The following CACNA1A variants were observed in gnomAD, a reference collection of about 807,000 sequenced individuals.
CACNA1A encodes calcium voltage-gated channel subunit alpha1 A, also known as voltage-dependent P/Q-type calcium channel subunit alpha-1A.
In CACNA1A, 57 loss-of-function variants were observed where a neutral mutation model predicts 262.4. The ratio of observed to expected loss-of-function variants is 0.22; its 90% confidence interval spans 0.18 to 0.27. CACNA1A has a LOEUF of 0.27. Ranked by LOEUF, CACNA1A falls within the 10% of genes least tolerant of loss-of-function variation. The pLI, the probability that CACNA1A is intolerant of heterozygous loss-of-function variation, is 1.00. For missense variants in CACNA1A, 2,526 were observed against 3,562.8 expected (o/e 0.71, Z 7.41); for synonymous variants, 1,431 against 1,419.3 (o/e 1.01, Z -0.18).
intron 26 of CACNA1A, chr19:13,261,176 G>A (rs1261376359): frequency 2.8e-6 from 1 of 352,548 alleles, no homozygotes; most frequent in Non-Finnish European, 5.2e-6. Context: ...TTCAAGTAAG[G>A]AACTGTGGAT....
chr19:13,371,912 C>A, intron 3 of CACNA1A, 133 bp from the exon 4 acceptor site: 1 of 702,092 alleles, frequency 1.4e-6, no homozygotes, highest in Non-Finnish European at 2.6e-6. Context: ...ACACCACTGG[C>A]CTCAGTTTTG....
intron 3 of CACNA1A, among the ~76,000 whole-genome samples, chr19:13,376,540 A>AAT (rs1039747869): frequency 1.3e-5 from 2 of 149,996 alleles, no homozygotes; most frequent in Non-Finnish European, 3.0e-5. Flanking sequence ...CTCAGAAAAA[A>AAT]ATATATATAT....
chr19:13,399,504 A>G (rs545686689), intron 3 of CACNA1A, among the ~76,000 whole-genome samples: 142 of 152,146 alleles, frequency 9.3e-4, no homozygotes, highest in South Asian at 2.7e-3. Context: ...GAACCATATT[A>G]TTCTTTGTCT....
chr19:13,435,974 A>G (rs2144853775), intron 3 of CACNA1A, among the ~76,000 whole-genome samples: 1 of 152,162 alleles, frequency 6.6e-6, no homozygotes, highest in African/African-American at 2.4e-5. Context: ...ACAGGGATGC[A>G]CCACCAAACC....
Position 13,247,713 on chromosome 19 carries a change from AAAATAAATAAAT to A in CACNA1A, c.4867-2460_4867-2449del, listed in dbSNP as rs144467626. 3.4e-5 allele frequency among the ~76,000 whole-genome samples: 5 copies of A among 146,710 alleles called. No individual in the cohort carries two copies. In the East Asian group the frequency reaches 6.0e-4, roughly 18 times the overall value. ...AGACTCCGTCAAAAATAAATAAATA[AAAATAAATAAAT>A]AAATAAATAAATAAATAAAAAGGAA... On this transcript the variant is annotated intron_variant, in intron 30 of 46. Transcript: ENST00000360228.
intron 10 of CACNA1A, among the ~76,000 whole-genome samples, chr19:13,318,377 G>C (rs1219386357): frequency 6.6e-6 from 1 of 152,154 alleles, no homozygotes; most frequent in Non-Finnish European, 1.5e-5. Context: ...AAAGAGGAAG[G>C]TGGTGAAGGC....
intron 3 of CACNA1A, among the ~76,000 whole-genome samples, chr19:13,395,273 C>CAAAAAAAAAAAA (rs58840618): frequency 1.1e-5 from 1 of 88,902 alleles, no homozygotes; most frequent in Non-Finnish European, 2.2e-5. Context: ...GACTCCATCT[C>CAAAAAAAAAAAA]AAAAAAAAAA....
chr19:13,372,656 G>A (rs2144563759), intron 3 of CACNA1A, among the ~76,000 whole-genome samples: 1 of 152,272 alleles, frequency 6.6e-6, no homozygotes, highest in East Asian at 1.9e-4. Flanking sequence ...ATACCTCCAA[G>A]GGTTGTGAGG....
rs1555770817 is a variant in CACNA1A, at chr19:13,347,055, T to TTTTG, written c.979-11150_979-11147dup. 1.2e-3 allele frequency among the ~76,000 whole-genome samples: 75 copies of TTTTG among 62,050 alleles called. 1 individual carries two copies. In the East Asian group the frequency reaches 0.017, roughly 14 times the overall value. 40.7% of individuals were successfully genotyped at this position (62,050 alleles called of 152,430 possible). On this transcript the variant is annotated intron_variant, in intron 6 of 46. Transcript: ENST00000360228. ...TGATTTGTTCCTTCAGGTCTGTTTT[T>TTTTG]TTTGTTTTTTTGTTTTTTTTTTTTG...
At chr19:13,283,474 T>G in intron 21 of CACNA1A, 78 bp from the exon 22 acceptor site, 1 of 1,555,808 alleles carries the variant, frequency 6.4e-7, no homozygotes, top group South Asian at 1.2e-5. Context: ...AATCTCATGT[T>G]ACCTACCACT....
At chr19:13,332,234 C>G (rs1301946396) in intron 9 of CACNA1A, among the ~76,000 whole-genome samples, 3 of 152,102 alleles carry the variant, frequency 2.0e-5, no homozygotes, top group Non-Finnish European at 2.9e-5. Context: ...AACCCCATCT[C>G]TATCAACAAT....
Position 13,207,256 on chromosome 19 carries a change from G to A in CACNA1A, c.*57C>T. On this transcript the variant is annotated 3_prime_UTR_variant, in exon 47 of 47. Transcript: ENST00000360228. The surrounding 1 kb of genome is among the most constrained non-coding windows in gnomAD (Gnocchi z 5.7). ...CCCGCGGCCTCTGCGCGGCTCCTCG[G>A]GTGGGGTGTGTGCGTGGGGTGCGTG... The A allele has an allele frequency of 3.4e-6, 5 of 1,472,610 alleles. No homozygotes were observed. Among genetic ancestry groups the A allele is most frequent in the Non-Finnish European group, 2.7e-6 (3 of 1,115,826 alleles). 91.2% of individuals were successfully genotyped at this position (1,472,610 alleles called of 1,614,324 possible). A position where few individuals can be genotyped will look rare whatever the true frequency, so the allele number is the denominator to read the frequency against.
At chr19:13,454,021 C>G (rs578249780) in intron 2 of CACNA1A, among the ~76,000 whole-genome samples, 1 of 151,796 alleles carries the variant, frequency 6.6e-6, no homozygotes, top group African/African-American at 2.4e-5. Flanking sequence ...CTCCTAAAAC[C>G]CTTGGGATCT....
At chr19:13,378,747 C>T (rs2059460031) in intron 3 of CACNA1A, among the ~76,000 whole-genome samples, 1 of 124,894 alleles carries the variant, frequency 8.0e-6, no homozygotes, top group South Asian at 2.5e-4. Context: ...ACTGCAATCT[C>T]CCCCCCGCCT....
chr19:13,505,827 C>T, intron 1 of CACNA1A, 105 bp downstream of exon 1: 3 of 1,212,432 alleles, frequency 2.5e-6, no homozygotes, highest in East Asian at 5.1e-5. Context: ...CCCCCCTCCT[C>T]CCCACCTCCC....
intron 1 of CACNA1A, among the ~76,000 whole-genome samples, chr19:13,487,066 G>T (rs537443138): frequency 2.6e-5 from 4 of 152,286 alleles, no homozygotes; most frequent in African/African-American, 9.6e-5. Context: ...GCCTGCCCAG[G>T]GCGCCTCATC....
chr19:13,234,282 G>A (rs540281801), intron 34 of CACNA1A, among the ~76,000 whole-genome samples: 267 of 145,672 alleles, frequency 1.8e-3, no homozygotes, highest in African/African-American at 6.0e-3. Flanking sequence ...CCCGGGAGGC[G>A]GAGCTTGCAG....
chr19:13,292,580 C>T (rs1334652981), intron 19 of CACNA1A, among the ~76,000 whole-genome samples: 1 of 151,986 alleles, frequency 6.6e-6, no homozygotes, highest in African/African-American at 2.4e-5. Context: ...TACCACTGTA[C>T]TCCGGGGCCT....
chr19:13,214,039 TCCTGGTCTC>T lies in CACNA1A; in HGVS notation c.5940+185_5940+193del, dbSNP rs2054910948. On this transcript the variant is annotated intron_variant, in intron 40 of 46. Coordinates refer to ENST00000360228, the MANE Select transcript of CACNA1A (RefSeq NM_001127222.2). The surrounding 1 kb of genome is among the most constrained non-coding windows in gnomAD (Gnocchi z 4.1). ...CACTGTGTTGCCCAGGGTGGTCTCATCCTGGTCTCAAACGATCCCTCTGCCCTGGCCTCT... is the reference window on the plus strand; with the variant it reads ...CACTGTGTTGCCCAGGGTGGTCTCATAAACGATCCCTCTGCCCTGGCCTCT... 1 of 582,500 alleles carries T rather than the reference TCCTGGTCTC, an allele frequency of 1.7e-6. No individual in the cohort carries two copies. The highest frequency in any genetic ancestry group is 2.9e-5 in the Admixed American group (1 of 33,908). The allele number at this position is 582,500 out of a possible 1,614,324, so 36.1% of individuals were successfully genotyped here.
Sources: allele counts gnomAD v4.1 joint callset (sites outside exome capture counted in the v4.1 genomes callset), GRCh38; gene constraint gnomAD v4.1.1; non-coding constraint Gnocchi (gnomAD v3.1); transcripts MANE v1.5; gene names NCBI Gene and HGNC (gene_info 2026-07-23, HGNC 2026-07-21).